Variants in IL15RA observed in about 807,000 individuals in gnomAD.
IL15RA encodes interleukin 15 receptor subunit alpha.
IL15RA carries 26 observed loss-of-function variants against 24.2 expected under a neutral mutation model. The ratio of observed to expected loss-of-function variants is 1.07; its 90% confidence interval spans 0.79 to 1.49. The LOEUF is 1.49. Among genes scored for constraint, IL15RA ranks in the 40% most tolerant of loss-of-function variants. The pLI is 0.00. For synonymous variants in IL15RA, 166 were observed against 157.6 expected (o/e 1.05, Z -0.40); for missense variants, 354 against 356.4 (o/e 0.99, Z 0.05).
chr10:5,955,112 T>TC lies in IL15RA; in HGVS notation c.692+1266_692+1267insG, dbSNP rs1834339298. ...CAAAGGGTCACATAATTTTTTTTTTTTTTTGAGATGGAGTTTTGCTCTTGT... is the reference window on the plus strand; with the variant it reads ...CAAAGGGTCACATAATTTTTTTTTTTCTTTTGAGATGGAGTTTTGCTCTTGT... On this transcript the variant is annotated intron_variant, in intron 6 of 6. Coordinates refer to ENST00000379977, the MANE Select transcript of IL15RA (RefSeq NM_002189.4). The surrounding 1 kb of genome is among the most constrained non-coding windows in gnomAD (Gnocchi z 5.3). Among the ~76,000 whole-genome samples the TC allele has an allele frequency of 6.6e-6, 1 of 151,984 alleles. No individual in the cohort carries two copies. Among genetic ancestry groups the TC allele is most frequent in the Non-Finnish European group, 1.5e-5 (1 of 67,994 alleles).
chr10:5,959,063 C>T lies in IL15RA; in HGVS notation c.616+691G>A, dbSNP rs946750780. Among the ~76,000 whole-genome samples, 3 of 152,018 alleles carry T rather than the reference C, an allele frequency of 2.0e-5. No individual in the cohort carries two copies. Among genetic ancestry groups the T allele is most frequent in the African/African-American group, 4.8e-5 (2 of 41,386 alleles). ...CTTTTCCTCCTTATCATCACTTGCA[C>T]GTTCTCTTTTCTATTCTCCTAGCCT... is the stretch of plus-strand genomic sequence containing the variant. On this transcript the variant is annotated intron_variant, in intron 5 of 6. Coordinates refer to ENST00000379977, the MANE Select transcript of IL15RA (RefSeq NM_002189.4). This position sits in a 1 kb window ranked among gnomAD's most constrained non-coding sequence, Gnocchi z 4.1.
At position 5,952,912 on chromosome 10, in the gene IL15RA, G is replaced by GAGA. The variant is rs2132236604; in HGVS notation, c.*180_*182dup. The GAGA allele has an allele frequency of 1.6e-6, 1 of 615,594 alleles. No individual in the cohort carries two copies. The highest frequency in any genetic ancestry group is 2.0e-5 in the South Asian group (1 of 49,956). 38.1% of individuals were successfully genotyped at this position (615,594 alleles called of 1,614,324 possible). On this transcript the variant is annotated 3_prime_UTR_variant, in exon 7 of 7. Coordinates refer to ENST00000379977, the MANE Select transcript of IL15RA (RefSeq NM_002189.4). The stretch of plus-strand genomic sequence containing the variant: ...GGCAGGTGGTGCCCATGGGAATGCG[G>GAGA]AGAACCTGCTCCCTCGCGCAGGAGG...
intron 1 of IL15RA, among the ~76,000 whole-genome samples, chr10:5,969,479 C>T (rs904576676): frequency 6.6e-6 from 1 of 152,166 alleles, no homozygotes; most frequent in African/African-American, 2.4e-5. Flanking sequence ...CTCAAGTGAT[C>T]TTTCCACCTC....
Position 5,975,658 on chromosome 10 carries a change from G to A in IL15RA, c.88+1747C>T, listed in dbSNP as rs573193502. 5.1e-4 allele frequency among the ~76,000 whole-genome samples: 77 copies of A among 152,172 alleles called. No individual in the cohort carries two copies. Among genetic ancestry groups the A allele is most frequent in the Middle Eastern group, 3.4e-3 (1 of 294 alleles). On this transcript the variant is annotated intron_variant, in intron 1 of 6. Transcript: ENST00000379977. The surrounding 1 kb of genome is among the most constrained non-coding windows in gnomAD (Gnocchi z 4.8). Reference sequence around the variant, plus strand: ...TCCCAGCACTTTGGAAGGCCGAGGCGGGCAGATCACAAGGTCAGGAGTGAT... The same window carrying A: ...TCCCAGCACTTTGGAAGGCCGAGGCAGGCAGATCACAAGGTCAGGAGTGAT...
chr10:5,959,759 G>A lies in IL15RA; in HGVS notation c.611C>T (p.Thr204Ile), dbSNP rs1835182978. 6 of 1,613,778 alleles carry A rather than the reference G, an allele frequency of 3.7e-6. No homozygotes were observed. The highest frequency in any genetic ancestry group is 5.1e-6 in the Non-Finnish European group (6 of 1,179,822). ...GGACAAAGGGACACACTTACCAGTG[G>A]TGTCGCTGTGGCCCTGTGGATACAC... Reference protein sequence around the residue: ...PGVYPQGHSDTTVAISTSTVL... With the variant: ...PGVYPQGHSDITVAISTSTVL... The change falls in exon 5 of 7, where the codon ACC becomes ATC. Residue 204 changes from threonine to isoleucine, a missense_variant. Transcript: ENST00000379977. The surrounding 1 kb of genome is among the most constrained non-coding windows in gnomAD (Gnocchi z 4.1).
At position 5,959,152 on chromosome 10, in the gene IL15RA, TTTTTTC is replaced by T. The variant is rs895661138; in HGVS notation, c.616+596_616+601del. 6.6e-5 allele frequency among the ~76,000 whole-genome samples: 10 copies of T among 151,550 alleles called. No homozygotes were observed. Among genetic ancestry groups the T allele is most frequent in the East Asian group, 1.9e-4 (1 of 5,168 alleles). ...TTGGTTTTATTTTGTTTTGTTAACT[TTTTTTC>T]TTTTTCTTTTTCTTTTTTTTTTTTT... On this transcript the variant is annotated intron_variant, in intron 5 of 6. Coordinates refer to ENST00000379977, the MANE Select transcript of IL15RA (RefSeq NM_002189.4). This position sits in a 1 kb window ranked among gnomAD's most constrained non-coding sequence, Gnocchi z 4.1.
rs1436510145 is a variant in IL15RA at position 5,973,165 on chromosome 10, C to T, written c.88+4240G>A. ...ACCCAACATAATGGACGCCCCTGCA[C>T]ATCAGGCCTTTTAAATAAGAACAGA... On this transcript the variant is annotated intron_variant, in intron 1 of 6. Coordinates refer to ENST00000379977, the MANE Select transcript of IL15RA (RefSeq NM_002189.4). This position sits in a 1 kb window ranked among gnomAD's most constrained non-coding sequence, Gnocchi z 4.5. 1.3e-5 allele frequency among the ~76,000 whole-genome samples: 2 copies of T among 152,338 alleles called. No individual in the cohort carries two copies. Among genetic ancestry groups the T allele is most frequent in the East Asian group, 3.9e-4 (2 of 5,186 alleles).
At position 5,968,884 on chromosome 10, in the gene IL15RA, A is replaced by T; in HGVS notation, c.89-2545T>A. 5.3e-6 allele frequency: 7 copies of T among 1,315,786 alleles called. No individual in the cohort carries two copies. Among genetic ancestry groups the T allele is most frequent in the Non-Finnish European group, 7.4e-6 (7 of 946,208 alleles). The allele number at this position is 1,315,786 out of a possible 1,614,324, so 81.5% of individuals were successfully genotyped here. A position where few individuals can be genotyped will look rare whatever the true frequency, so the allele number is the denominator to read the frequency against. The stretch of plus-strand genomic sequence containing the variant: ...TGGACCTCATGGTTGAAGCTTTCAG[A>T]TATTCTGCTCCTTCCCGCCAGGACA... On this transcript the variant is annotated intron_variant, in intron 1 of 6. Coordinates refer to ENST00000379977, the MANE Select transcript of IL15RA (RefSeq NM_002189.4). The surrounding 1 kb of genome is among the most constrained non-coding windows in gnomAD (Gnocchi z 5.4).
chr10:5,954,652 T>G lies in IL15RA; in HGVS notation c.693-1446A>C, dbSNP rs1349661120. Among the ~76,000 whole-genome samples, 5 of 152,324 alleles carry G rather than the reference T, an allele frequency of 3.3e-5. No homozygotes were observed. In the East Asian group the frequency reaches 9.6e-4, roughly 29 times the overall value. ...ATTTTCCTCTTATGAACATATTTAT[T>G]GGCCGTATATACCAAATTTACAAAT... is the stretch of plus-strand genomic sequence containing the variant. On this transcript the variant is annotated intron_variant, in intron 6 of 6. Transcript: ENST00000379977.
At chr10:5,954,474 TG>T (rs1564483665) in intron 6 of IL15RA, among the ~76,000 whole-genome samples, 2 of 152,046 alleles carry the variant, frequency 1.3e-5, no homozygotes, top group African/African-American at 2.4e-5. Context: ...TTTTTGTGTG[TG>T]GGGGGATGGG....
chr10:5,970,659 A>G lies in IL15RA; in HGVS notation c.89-4320T>C, dbSNP rs572812544. Reference sequence around the variant, plus strand: ...TTACTTTATAAAGTTGGACTGTCTCATAACTATATTGGTGATATTACTAAC... The same window carrying G: ...TTACTTTATAAAGTTGGACTGTCTCGTAACTATATTGGTGATATTACTAAC... On this transcript the variant is annotated intron_variant, in intron 1 of 6. Coordinates refer to ENST00000379977, the MANE Select transcript of IL15RA (RefSeq NM_002189.4). This position sits in a 1 kb window ranked among gnomAD's most constrained non-coding sequence, Gnocchi z 4.1. Among the ~76,000 whole-genome samples the G allele has an allele frequency of 3.3e-5, 5 of 152,328 alleles. No individual in the cohort carries two copies. The South Asian group carries it at 1.0e-3, about 32-fold the overall frequency.
Position 5,967,992 on chromosome 10 carries a change from G to T in IL15RA, c.89-1653C>A, listed in dbSNP as rs903575761. 9.2e-5 allele frequency among the ~76,000 whole-genome samples: 14 copies of T among 152,278 alleles called. No homozygotes were observed. The highest frequency in any genetic ancestry group is 2.2e-4 in the African/African-American group (9 of 41,546). On this transcript the variant is annotated intron_variant, in intron 1 of 6. Transcript: ENST00000379977. This position sits in a 1 kb window ranked among gnomAD's most constrained non-coding sequence, Gnocchi z 4.4. The stretch of plus-strand genomic sequence containing the variant: ...GAGAATCACAGGAACCTGAGAGGCG[G>T]AGGTTGCAGTGAGCCAAGATTGTGC...
chr10:5,974,686 G>A (rs1838134927), intron 1 of IL15RA, among the ~76,000 whole-genome samples: 1 of 152,054 alleles, frequency 6.6e-6, no homozygotes, highest in Non-Finnish European at 1.5e-5. Flanking sequence ...AGACCAGCCT[G>A]GCCAACATGG....
Position 5,966,059 on chromosome 10 carries a change from C to T in IL15RA, c.283+86G>A, listed in dbSNP as rs1589221443. Reference sequence around the variant, plus strand: ...TTAGCCTCAGACCTCAGCACAGATCCCTTGACCCCTGAGATGGGGTCTTCT... The same window carrying T: ...TTAGCCTCAGACCTCAGCACAGATCTCTTGACCCCTGAGATGGGGTCTTCT... On this transcript the variant is annotated intron_variant, in intron 2 of 6. Transcript: ENST00000379977. The surrounding 1 kb of genome is among the most constrained non-coding windows in gnomAD (Gnocchi z 6.4). 4.2e-6 allele frequency: 4 copies of T among 953,768 alleles called. No homozygotes were observed. The highest frequency in any genetic ancestry group is 3.1e-5 in the South Asian group (2 of 65,408). The allele number at this position is 953,768 out of a possible 1,614,324, so 59.1% of individuals were successfully genotyped here. A position where few individuals can be genotyped will look rare whatever the true frequency, so the allele number is the denominator to read the frequency against.
rs562205275 is a variant in IL15RA at position 5,962,453 on chromosome 10, G to A, written c.382+1290C>T. On this transcript the variant is annotated intron_variant, in intron 3 of 6. Transcript: ENST00000379977. This position sits in a 1 kb window ranked among gnomAD's most constrained non-coding sequence, Gnocchi z 5.2. ...CTAAAAATACAGAAATTAGCCAGGC[G>A]TGGTGGTGCACGCCTGTGATCCCAG... Among the ~76,000 whole-genome samples, 158 of 152,186 alleles carry A rather than the reference G, an allele frequency of 1.0e-3. No individual in the cohort carries two copies. Among genetic ancestry groups the A allele is most frequent in the Middle Eastern group, 3.4e-3 (1 of 294 alleles).
At chr10:5,956,088 C>T (rs1451501645) in intron 6 of IL15RA, among the ~76,000 whole-genome samples, 1 of 152,102 alleles carries the variant, frequency 6.6e-6, no homozygotes, top group Non-Finnish European at 1.5e-5. Context: ...AATCTTGGCT[C>T]ACTGCAACCT....
chr10:5,977,668 C>G (rs8177630), upstream of IL15RA: 6,158 of 1,241,988 alleles, frequency 5.0e-3, 229 homozygotes, highest in African/African-American at 0.084. Context: ...CGTGACTCAG[C>G]GTCCCCACCC....
At chr10:5,956,294 C>T (rs1170819691) in intron 6 of IL15RA, 85 bp downstream of exon 6, 29 of 1,053,130 alleles carry the variant, frequency 2.8e-5, no homozygotes, top group African/African-American at 1.1e-4. Context: ...GAATTCCAGG[C>T]GTGAGCTACC....
chr10:5,968,863 C>T lies in IL15RA; in HGVS notation c.89-2524G>A. Reference sequence around the variant, plus strand: ...CTCACGCAGGCCTCGTGTGTCTGGACCTCATGGTTGAAGCTTTCAGATATT... The same window carrying T: ...CTCACGCAGGCCTCGTGTGTCTGGATCTCATGGTTGAAGCTTTCAGATATT... On this transcript the variant is annotated intron_variant, in intron 1 of 6. Transcript: ENST00000379977. This position sits in a 1 kb window ranked among gnomAD's most constrained non-coding sequence, Gnocchi z 5.4. 1.8e-6 allele frequency: 2 copies of T among 1,101,138 alleles called. No homozygotes were observed. The highest frequency in any genetic ancestry group is 2.6e-5 in the East Asian group (1 of 39,020). The allele number at this position is 1,101,138 out of a possible 1,614,324, so 68.2% of individuals were successfully genotyped here.
Sources: allele counts gnomAD v4.1 joint callset (sites outside exome capture counted in the v4.1 genomes callset), GRCh38; gene constraint gnomAD v4.1.1; non-coding constraint Gnocchi (gnomAD v3.1); transcripts MANE v1.5; gene names NCBI Gene and HGNC (gene_info 2026-07-23, HGNC 2026-07-21).